The following SPSB1 variants were observed in gnomAD, a reference collection of about 807,000 sequenced individuals.
The protein encoded by SPSB1 is SPRY domain-containing SOCS box protein 1.
In SPSB1, 8 loss-of-function variants were observed where a neutral mutation model predicts 21.2. The observed-to-expected ratio is 0.38, with a 90% confidence interval of 0.22 to 0.68. SPSB1 has a LOEUF of 0.68. SPSB1 is among the 30% of genes least tolerant of loss of function. The pLI, the probability that SPSB1 is intolerant of heterozygous loss-of-function variation, is 0.53. For missense variants in SPSB1, 242 were observed against 377.8 expected, an observed-to-expected ratio of 0.64 and a Z score of 2.98; for synonymous variants, 169 against 161.7, an observed-to-expected ratio of 1.05 and a Z score of -0.34.
intron 1 of SPSB1, among the ~76,000 whole-genome samples, chr1:9,326,126 G>A (rs954922080): frequency 6.6e-6 from 1 of 152,032 alleles, no homozygotes; most frequent in Non-Finnish European, 1.5e-5. Context: ...TGGGGAGGTC[G>A]GGTGGAATGT....
At chr1:9,294,727 GT>G (rs1329438209) in intron 1 of SPSB1, 1 of 152,166 alleles carries the variant, frequency 6.6e-6, no homozygotes, top group Non-Finnish European at 1.5e-5. Flanking sequence ...GAATTTTCTC[GT>G]TGGGGGGGCT....
chr1:9,361,491 G>A (rs1011793788), intron 2 of SPSB1, among the ~76,000 whole-genome samples: 1 of 152,158 alleles, frequency 6.6e-6, no homozygotes, highest in Non-Finnish European at 1.5e-5. Flanking sequence ...TGCCTTCCCG[G>A]GGGTCTCCCA....
chr1:9,311,935 A>C (rs1639527596), intron 1 of SPSB1, among the ~76,000 whole-genome samples: 1 of 152,098 alleles, frequency 6.6e-6, no homozygotes, highest in Non-Finnish European at 1.5e-5. Flanking sequence ...TCTCTCCTTA[A>C]GCCAGTGGCT....
intron 1 of SPSB1, among the ~76,000 whole-genome samples, chr1:9,308,552 TA>T (rs1216235367): frequency 6.6e-6 from 1 of 152,216 alleles, no homozygotes; most frequent in East Asian, 1.9e-4. Flanking sequence ...GCATTTAGTT[TA>T]GGGTGTCTCA....
rs1438017552 is a variant in SPSB1 at position 9,345,573 on chromosome 1, G to A, written c.-149-10170G>A. On this transcript the variant is annotated intron_variant, in intron 1 of 2. Transcript: ENST00000328089. The surrounding 1 kb of genome is among the most constrained non-coding windows in gnomAD (Gnocchi z 4.8). ...GCATCAGGCACAGTCCGTTGTCCTC[G>A]CCACCCTGACTAAGCTACAGCTGCG... 1.3e-5 allele frequency among the ~76,000 whole-genome samples: 2 copies of A among 152,132 alleles called. No individual in the cohort carries two copies. The highest frequency in any genetic ancestry group is 6.5e-5 in the Admixed American group (1 of 15,268).
chr1:9,326,419 T>C (rs1569601833), intron 1 of SPSB1, among the ~76,000 whole-genome samples: 1 of 151,674 alleles, frequency 6.6e-6, no homozygotes, highest in African/African-American at 2.4e-5. Flanking sequence ...GTCGGAGGAG[T>C]CACCTCACAC....
intron 1 of SPSB1, among the ~76,000 whole-genome samples, chr1:9,315,220 A>G (rs1382075782): frequency 3.3e-5 from 5 of 152,278 alleles, no homozygotes; most frequent in East Asian, 1.9e-4. Context: ...CGCATCACGG[A>G]CAAAGCAGTA....
intron 2 of SPSB1, among the ~76,000 whole-genome samples, chr1:9,366,385 A>G (rs1569670348): frequency 1.3e-5 from 2 of 152,370 alleles, no homozygotes; most frequent in East Asian, 3.9e-4. Context: ...TGTGGCACAG[A>G]AATGACACCT....
In SPSB1 at chr1:9,348,367, G is replaced by A. The variant is rs1384299156; in HGVS notation, c.-149-7376G>A. Among the ~76,000 whole-genome samples the A allele has an allele frequency of 6.6e-6, 1 of 151,890 alleles. No individual in the cohort carries two copies. Among genetic ancestry groups the A allele is most frequent in the African/African-American group, 2.4e-5 (1 of 41,330 alleles). On this transcript the variant is annotated intron_variant, in intron 1 of 2. Transcript: ENST00000328089. This position sits in a 1 kb window ranked among gnomAD's most constrained non-coding sequence, Gnocchi z 4.8. ...CAAACCGTGGCTGTATCCAGAAGGC[G>A]CTCTCTGACCACAGGGACCTGCCTT...
chr1:9,353,098 G>A (rs1032639760), intron 1 of SPSB1, among the ~76,000 whole-genome samples: 1 of 152,090 alleles, frequency 6.6e-6, no homozygotes, highest in Non-Finnish European at 1.5e-5. Context: ...AGAGGTTCCT[G>A]GGCACCAAGC....
chr1:9,297,394 G>A (rs747786718), intron 1 of SPSB1, among the ~76,000 whole-genome samples: 4 of 152,244 alleles, frequency 2.6e-5, no homozygotes, highest in Admixed American at 6.5e-5. Flanking sequence ...CTTGACGGGT[G>A]CCCCAGTTGT....
intron 2 of SPSB1, among the ~76,000 whole-genome samples, chr1:9,365,214 C>T (rs1640549702): frequency 6.6e-6 from 1 of 152,192 alleles, no homozygotes; most frequent in Admixed American, 6.5e-5. Context: ...GTGGCACAAT[C>T]ACAGCTTACT....
At chr1:9,365,216 C>T (rs543576) in intron 2 of SPSB1, among the ~76,000 whole-genome samples, 29,814 of 152,114 alleles carry the variant, frequency 0.2, 3,014 homozygotes, top group East Asian at 0.31. Context: ...GGCACAATCA[C>T]AGCTTACTGC....
chr1:9,309,007 G>A (rs1483676426), intron 1 of SPSB1, among the ~76,000 whole-genome samples: 2 of 152,004 alleles, frequency 1.3e-5, no homozygotes, highest in Non-Finnish European at 2.9e-5. Flanking sequence ...GGGTACAGAG[G>A]GCCTCCTGAG....
intron 1 of SPSB1, among the ~76,000 whole-genome samples, chr1:9,316,575 C>T (rs766873205): frequency 2.0e-5 from 3 of 152,056 alleles, no homozygotes; most frequent in East Asian, 1.9e-4. Context: ...CTGATCGAAG[C>T]GGGTTCAGGG....
chr1:9,342,827 G>A (rs1640111823), intron 1 of SPSB1, among the ~76,000 whole-genome samples: 1 of 152,232 alleles, frequency 6.6e-6, no homozygotes, highest in Non-Finnish European at 1.5e-5. Context: ...GAAAGGGGAG[G>A]GGGCAGAGGC....
intron 2 of SPSB1, among the ~76,000 whole-genome samples, chr1:9,361,646 C>T (rs1011471116): frequency 6.6e-6 from 1 of 152,258 alleles, no homozygotes; most frequent in East Asian, 1.9e-4. Flanking sequence ...CCCCACTGTC[C>T]AGCCTGCTGG....
At chr1:9,322,503 T>G (rs1639737166) in intron 1 of SPSB1, among the ~76,000 whole-genome samples, 1 of 152,190 alleles carries the variant, frequency 6.6e-6, no homozygotes, top group African/African-American at 2.4e-5. Flanking sequence ...CCAGAGGCAT[T>G]TAAAGCCCTA....
chr1:9,329,958 A>G (rs1639887161), intron 1 of SPSB1, among the ~76,000 whole-genome samples: 1 of 152,180 alleles, frequency 6.6e-6, no homozygotes. Flanking sequence ...GCTGTGGATG[A>G]CAGGACAGCG....
Sources: gnomAD v4.1 joint callset for allele counts (sites outside exome capture counted in the v4.1 genomes callset) on GRCh38, gnomAD v4.1.1 for gene constraint, Gnocchi (gnomAD v3.1) non-coding constraint, MANE v1.5 for transcripts, NCBI Gene and HGNC (gene_info 2026-07-23, HGNC 2026-07-21) for gene names.